Variants in PCDH9 observed in about 807,000 individuals in gnomAD.
PCDH9 encodes the protein protocadherin 9, also known as protocadherin-9.
A neutral mutation model predicts 70.6 loss-of-function variants in PCDH9; 24 were observed. That is an observed-to-expected ratio of 0.34 (90% CI 0.25 to 0.48). The LOEUF (loss-of-function observed/expected upper bound fraction) is 0.48. Among genes scored for constraint, PCDH9 ranks in the 20% least tolerant of loss-of-function variants. The pLI, the probability that PCDH9 is intolerant of heterozygous loss-of-function variation, is 0.99. For missense variants in PCDH9, 1,281 were observed against 1,503.6 expected (o/e 0.85, Z 2.45); for synonymous variants, 562 against 558.5 (o/e 1.01, Z -0.09).
chr13:67,057,045 T>C (rs2085434836), intron 2 of PCDH9, among the ~76,000 whole-genome samples: 1 of 152,170 alleles, frequency 6.6e-6, no homozygotes, highest in East Asian at 1.9e-4. Flanking sequence ...ATATAGATTA[T>C]AACTATGATT....
intron 4 of PCDH9, among the ~76,000 whole-genome samples, chr13:66,478,784 A>T (rs1958780703): frequency 6.6e-6 from 1 of 152,270 alleles, no homozygotes; most frequent in Admixed American, 6.5e-5. Context: ...TTTTCATAAC[A>T]TAAAAGTACA....
At chr13:67,050,192 G>C (rs967188686) in intron 2 of PCDH9, among the ~76,000 whole-genome samples, 1 of 152,172 alleles carries the variant, frequency 6.6e-6, no homozygotes, top group Non-Finnish European at 1.5e-5. Flanking sequence ...AAATTTGGTT[G>C]CAAGAGATAC....
intron 2 of PCDH9, chr13:67,212,025 A>G (rs1296250900): frequency 6.6e-5 from 10 of 152,108 alleles, no homozygotes; most frequent in Non-Finnish European, 1.0e-4. Context: ...CATGTGTGCC[A>G]TGTTTTTAAA....
chr13:66,944,246 C>A (rs767950119), intron 2 of PCDH9, among the ~76,000 whole-genome samples: 11 of 130,080 alleles, frequency 8.5e-5, no homozygotes, highest in Non-Finnish European at 1.1e-4. Context: ...TCTAATAAAT[C>A]TCTGTTTCTT....
intron 3 of PCDH9, among the ~76,000 whole-genome samples, chr13:66,790,667 A>G (rs2080150230): frequency 6.6e-6 from 1 of 152,014 alleles, no homozygotes; most frequent in South Asian, 2.1e-4. Flanking sequence ...AGTAAATCCT[A>G]TCCTTTTTCC....
chr13:66,488,640 T>C (rs897236954), intron 4 of PCDH9, among the ~76,000 whole-genome samples: 2 of 152,088 alleles, frequency 1.3e-5, no homozygotes, highest in South Asian at 2.1e-4. Flanking sequence ...TCAAATAATA[T>C]GTATTAGTAG....
At chr13:67,049,631 C>A (rs553737603) in intron 2 of PCDH9, among the ~76,000 whole-genome samples, 1 of 152,248 alleles carries the variant, frequency 6.6e-6, no homozygotes, top group South Asian at 2.1e-4. Context: ...AACAAGGCAC[C>A]GAGCACTTAC....
intron 2 of PCDH9, among the ~76,000 whole-genome samples, chr13:67,012,136 G>A (rs982077866): frequency 1.3e-5 from 2 of 150,880 alleles, no homozygotes; most frequent in Non-Finnish European, 3.0e-5. Context: ...ATCATTCTAC[G>A]GTTTCTTTAA....
chr13:67,121,950 A>G (rs1389231367), intron 2 of PCDH9, among the ~76,000 whole-genome samples: 1 of 152,146 alleles, frequency 6.6e-6, no homozygotes, highest in Admixed American at 6.5e-5. Flanking sequence ...AAAGCTGTAC[A>G]CATATCTATT....
intron 2 of PCDH9, among the ~76,000 whole-genome samples, chr13:66,997,824 C>T (rs181763576): frequency 5.9e-5 from 9 of 152,156 alleles, no homozygotes; most frequent in Admixed American, 3.3e-4. Flanking sequence ...TGAGCCACCG[C>T]GCCTGGACTG....
At chr13:66,720,731 A>G (rs181436223) in intron 3 of PCDH9, among the ~76,000 whole-genome samples, 1 of 152,190 alleles carries the variant, frequency 6.6e-6, no homozygotes, top group Non-Finnish European at 1.5e-5. Context: ...GTTCCCAGTT[A>G]TAAGCCATAA....
intron 3 of PCDH9, among the ~76,000 whole-genome samples, chr13:66,878,209 T>A (rs982208461): frequency 1.3e-5 from 2 of 151,706 alleles, no homozygotes; most frequent in South Asian, 4.2e-4. Context: ...TTTATTATTA[T>A]TATTTTATTT....
At chr13:66,672,693 G>A (rs1023025710) in intron 3 of PCDH9, among the ~76,000 whole-genome samples, 3 of 152,224 alleles carry the variant, frequency 2.0e-5, no homozygotes, top group Admixed American at 2.0e-4. Context: ...GCGCAGAGCT[G>A]CCCAAGACCA....
chr13:66,385,748 T>G (rs1956916998), intron 4 of PCDH9, among the ~76,000 whole-genome samples: 1 of 152,330 alleles, frequency 6.6e-6, no homozygotes, highest in South Asian at 2.1e-4. Flanking sequence ...CAATCAACTG[T>G]CATTGTAATA....
chr13:66,955,907 T>C (rs2083259611), intron 2 of PCDH9, among the ~76,000 whole-genome samples: 1 of 151,926 alleles, frequency 6.6e-6, no homozygotes, highest in South Asian at 2.1e-4. Flanking sequence ...GCCTGGCCAA[T>C]ATGGTGAAAC....
chr13:66,510,311 C>A (rs1959403463), intron 4 of PCDH9, among the ~76,000 whole-genome samples: 1 of 151,710 alleles, frequency 6.6e-6, no homozygotes, highest in African/African-American at 2.4e-5. Context: ...TTATAAAGCA[C>A]CCAAGTCTTG....
chr13:66,971,116 G>A (rs1239146287), intron 2 of PCDH9, among the ~76,000 whole-genome samples: 3 of 151,956 alleles, frequency 2.0e-5, no homozygotes, highest in Non-Finnish European at 4.4e-5. Context: ...AGACTCTTCT[G>A]CCTTTTAAAT....
intron 3 of PCDH9, among the ~76,000 whole-genome samples, chr13:66,897,086 T>A (rs530909739): frequency 6.6e-6 from 1 of 152,196 alleles, no homozygotes. Flanking sequence ...CATGTTGATA[T>A]GAGTATACTC....
At chr13:66,905,250 T>A (rs2082341284) in intron 2 of PCDH9, among the ~76,000 whole-genome samples, 1 of 152,134 alleles carries the variant, frequency 6.6e-6, no homozygotes, top group Admixed American at 6.6e-5. Context: ...GACATTTTAA[T>A]TATTCAATTC....
Sources: gnomAD v4.1 joint callset for allele counts (sites outside exome capture counted in the v4.1 genomes callset) on GRCh38, gnomAD v4.1.1 for gene constraint, MANE v1.5 for transcripts, NCBI Gene and HGNC (gene_info 2026-07-23, HGNC 2026-07-21) for gene names.